KMT2B: variants seen among roughly 807,000 people sequenced by gnomAD.
KMT2B encodes lysine methyltransferase 2B.
Under a neutral mutation model 255.3 loss-of-function variants are expected in KMT2B, and 22 were observed. That is an observed-to-expected ratio of 0.09 (90% CI 0.06 to 0.12). The LOEUF is 0.12. Among genes scored for constraint, KMT2B ranks in the 10% least tolerant of loss-of-function variants. KMT2B has a pLI of 1.00. For synonymous variants in KMT2B, 1,730 were observed against 1,498.1 expected (o/e 1.15, Z -3.57); for missense variants, 3,149 against 3,737.0 (o/e 0.84, Z 4.10).
Position 35,720,856 on chromosome 19 carries a change from G to A in KMT2B, c.1509G>A (p.Thr503=), listed in dbSNP as rs773760714. The change falls in exon 3 of 37, where the codon ACG becomes ACA. Residue 503 remains threonine, a synonymous_variant. Transcript: ENST00000420124. ...CCACTCCAACCCCCAGCACCGCCAC[G>A]GGAGGCCCTCCGGAAGACAGTCCCA... The part of the protein sequence containing the change: ...SPPTPTPSTA[T]GGPPEDSPTV... 14 of 1,578,726 alleles carry A rather than the reference G, an allele frequency of 8.9e-6. No individual in the cohort carries two copies. The South Asian group carries it at 1.3e-4, about 14-fold the overall frequency.
intron 26 of KMT2B, among the ~76,000 whole-genome samples, chr19:35,731,300 GA>G (rs1969681680): frequency 6.6e-6 from 1 of 152,256 alleles, no homozygotes; most frequent in African/African-American, 2.4e-5. Flanking sequence ...CTGGCTGTGG[GA>G]TGTGGCTGAG....
chr19:35,727,102 C>A lies in KMT2B; in HGVS notation c.4004-54C>A. On this transcript the variant is annotated intron_variant, in intron 14 of 36. Transcript: ENST00000420124. The surrounding 1 kb of genome is among the most constrained non-coding windows in gnomAD (Gnocchi z 4.2). ...CTGCTAATCCTTGAACAGAGACACT[C>A]AGGGCTGAGTGGGAACTCCAGCACC... 1 of 1,299,058 alleles carries A rather than the reference C, an allele frequency of 7.7e-7. No individual in the cohort carries two copies. The highest frequency in any genetic ancestry group is 1.3e-5 in the South Asian group (1 of 77,796). The allele number at this position is 1,299,058 out of a possible 1,614,324, so 80.5% of individuals were successfully genotyped here.
chr19:35,719,394 C>A, intron 1 of KMT2B, 75 bp from the exon 2 acceptor site: 1 of 1,091,516 alleles, frequency 9.2e-7, no homozygotes, highest in Non-Finnish European at 1.3e-6. Context: ...GGGGATATTC[C>A]TCGATACCTC....
Position 35,732,848 on chromosome 19 carries a change from G to A in KMT2B, c.6299G>A (p.Gly2100Glu). Residue 2100 changes from glycine to glutamate, a missense_variant, in exon 28 of 37, where the codon GGG becomes GAG. Gly to Glu is a moderately conservative substitution (Grantham distance 98). Coordinates refer to ENST00000420124, the MANE Select transcript of KMT2B (RefSeq NM_014727.3). ...VVRAGVLGAA[G>E]DRARPPEDLP... ...CGGGCAGGGGTCCTTGGGGCTGCAG[G>A]GGACAGGGCCCGGCCTCCTGAGGAC... 6.2e-7 allele frequency: 1 copy of A among 1,609,252 alleles called. No homozygotes were observed. The highest frequency in any genetic ancestry group is 1.1e-5 in the South Asian group (1 of 90,502).
intron 19 of KMT2B, 67 bp from the exon 20 acceptor site, chr19:35,728,707 T>A: frequency 8.1e-7 from 1 of 1,236,946 alleles, no homozygotes. Context: ...TCAGGCTGGT[T>A]TGTGGATGGG....
chr19:35,733,717 T>A lies in KMT2B; in HGVS notation c.7049+31T>A. ...TGGCCAGGCCCCTCTCCCTGGAGGG[T>A]CTGGGACCTCTGTCCTTCCCCTTCC... On this transcript the variant is annotated intron_variant, in intron 29 of 36. Transcript: ENST00000420124. The surrounding 1 kb of genome is among the most constrained non-coding windows in gnomAD (Gnocchi z 4.3). 6.2e-7 allele frequency: 1 copy of A among 1,605,820 alleles called. No individual in the cohort carries two copies. Among genetic ancestry groups the A allele is most frequent in the Non-Finnish European group, 8.5e-7 (1 of 1,175,250 alleles).
At position 35,718,087 on chromosome 19, in the gene KMT2B, G is replaced by A. The variant is rs1250158305; in HGVS notation, c.69G>A (p.Arg23=). ...PGSARGRFPG[R]PRGAGGGGGR... is the part of the protein sequence containing the mutation. Reference sequence around the variant, plus strand: ...CCGCGCGGGGCCGCTTCCCGGGCCGGCCGCGGGGCGCCGGCGGGGGCGGGG... The same window carrying A: ...CCGCGCGGGGCCGCTTCCCGGGCCGACCGCGGGGCGCCGGCGGGGGCGGGG... The change falls in exon 1 of 37, where the codon CGG becomes CGA. Residue 23 remains arginine (R), a synonymous_variant. Coordinates refer to ENST00000420124, the MANE Select transcript of KMT2B (RefSeq NM_014727.3). This position sits in a 1 kb window ranked among gnomAD's most constrained non-coding sequence, Gnocchi z 5.0. 7.1e-6 allele frequency: 7 copies of A among 987,678 alleles called. No individual in the cohort carries two copies. Among genetic ancestry groups the A allele is most frequent in the Non-Finnish European group, 7.2e-6 (6 of 832,840 alleles). 61.2% of individuals were successfully genotyped at this position (987,678 alleles called of 1,614,324 possible).
Position 35,723,782 on chromosome 19 carries a change from G to A in KMT2B, c.3109G>A (p.Glu1037Lys). Residue 1037 changes from glutamate (E) to lysine (K), a missense_variant, in exon 8 of 37, where the codon GAG becomes AAG. Around this residue, in one of 18 missense-constraint regions of KMT2B, gnomAD observed 50 missense variants for 71.9 expected, o/e 0.70. Transcript: ENST00000420124. The surrounding 1 kb of genome is among the most constrained non-coding windows in gnomAD (Gnocchi z 7.5). The part of the protein sequence containing the change: ...LLPWDSDESP[E>K]ASPGPPGPRR... ...GCCCTGGGATTCCGATGAATCTCCT[G>A]AGGCCTCCCCTGGTCCTCCAGGCCC... 6.4e-7 allele frequency: 1 copy of A among 1,570,788 alleles called. No individual in the cohort carries two copies. The highest frequency in any genetic ancestry group is 8.6e-7 in the Non-Finnish European group (1 of 1,157,966).
At position 35,722,857 on chromosome 19, in the gene KMT2B, C is replaced by G. The variant is rs534866485; in HGVS notation, c.2723-138C>G. On this transcript the variant is annotated intron_variant, in intron 5 of 36. Coordinates refer to ENST00000420124, the MANE Select transcript of KMT2B (RefSeq NM_014727.3). ...GGCAAGTGGGCTGGAGTGCTAGGTC[C>G]TAGAGCAACTTCATTTGGGGGCACC... 6 of 1,415,500 alleles carry G rather than the reference C, an allele frequency of 4.2e-6. No homozygotes were observed. In the African/African-American group the frequency reaches 4.3e-5, roughly 10 times the overall value. 87.7% of individuals were successfully genotyped at this position (1,415,500 alleles called of 1,614,324 possible). A position where few individuals can be genotyped will look rare whatever the true frequency, so the allele number is the denominator to read the frequency against.
At position 35,718,602 on chromosome 19, in the gene KMT2B, C is replaced by G. The variant is rs1455252923; in HGVS notation, c.363+221C>G. Among the ~76,000 whole-genome samples the G allele has an allele frequency of 6.6e-6, 1 of 152,336 alleles. No homozygotes were observed. The highest frequency in any genetic ancestry group is 2.4e-5 in the African/African-American group (1 of 41,568). ...GCAGCCAGGCACTCGCGCCCGATGTCGGTCCCGCTGAAGTGTCTTGGGCCG... is the reference window on the plus strand; with the variant it reads ...GCAGCCAGGCACTCGCGCCCGATGTGGGTCCCGCTGAAGTGTCTTGGGCCG... On this transcript the variant is annotated intron_variant, in intron 1 of 36. Coordinates refer to ENST00000420124, the MANE Select transcript of KMT2B (RefSeq NM_014727.3). This position sits in a 1 kb window ranked among gnomAD's most constrained non-coding sequence, Gnocchi z 5.0.
Position 35,719,937 on chromosome 19 carries a change from T to C in KMT2B, c.590T>C (p.Leu197Pro). 4 of 1,613,212 alleles carry C rather than the reference T, an allele frequency of 2.5e-6. No homozygotes were observed. Residue 197 changes from leucine to proline, a missense_variant, in exon 3 of 37, where the codon CTC (leucine) becomes CCC (proline). By Grantham distance (98) the Leu-to-Pro change is moderately conservative. Transcript: ENST00000420124. ...ATGGTGCAGGCACTGACTGAACTTC[T>C]CCGGCGGGCCCAGGCACCCCAAGCA... is the stretch of plus-strand genomic sequence containing the variant. ...ERMVQALTEL[L>P]RRAQAPQAPR...
Position 35,719,536 on chromosome 19 carries a change from A to C in KMT2B, c.431A>C (p.Gln144Pro). Residue 144 changes from glutamine (Q) to proline (P), a missense_variant, in exon 2 of 37, where the codon CAG becomes CCG. Around this residue, in one of 18 missense-constraint regions of KMT2B, gnomAD observed 1,188 missense variants for 1,106.4 expected, o/e 1.07. Transcript: ENST00000420124. ...TCCCTGCGCTCTGCGCTCCGATCCC[A>C]GCGAGGTGAGTGACGGGGGAACTCC... ...PSSLRSALRS[Q>P]RGRAPRGRGR... The C allele has an allele frequency of 6.3e-7, 1 of 1,588,112 alleles. No homozygotes were observed. Among genetic ancestry groups the C allele is most frequent in the African/African-American group, 1.3e-5 (1 of 74,302 alleles).
chr19:35,726,253 G>A lies in KMT2B; in HGVS notation c.3903G>A (p.Val1301=), dbSNP rs1240405178. The part of the protein sequence containing the change: ...KRRHWICSAC[V]RCKSCGATPG... ...TCCCCCAGATCTGTTCAGCCTGTGT[G>A]CGCTGTAAGAGCTGTGGGGCAACTC... The change falls in exon 14 of 37, where the codon GTG becomes GTA. Residue 1301 remains valine (V), a synonymous_variant. Transcript: ENST00000420124. 3 of 1,613,574 alleles carry A rather than the reference G, an allele frequency of 1.9e-6. No individual in the cohort carries two copies. The East Asian group carries it at 6.7e-5, about 36-fold the overall frequency.
chr19:35,726,374 C>G, intron 14 of KMT2B, 21 bp downstream of exon 14: 1 of 1,525,564 alleles, frequency 6.6e-7, no homozygotes, highest in South Asian at 1.1e-5. Flanking sequence ...GGCAGGGGAA[C>G]TGGATGCTGG....
In KMT2B at chr19:35,718,405, G is replaced by A. The variant is rs1269429761; in HGVS notation, c.363+24G>A. 7 of 1,250,566 alleles carry A rather than the reference G, an allele frequency of 5.6e-6. No individual in the cohort carries two copies. The South Asian group carries it at 2.3e-4, about 42-fold the overall frequency. 77.5% of individuals were successfully genotyped at this position (1,250,566 alleles called of 1,614,324 possible). ...AGGTGAGGCGGTTGGAGGCGTCCCC[G>A]GCGCCGGGTGGGGCGGAGGCCGGGG... is the stretch of plus-strand genomic sequence containing the variant. On this transcript the variant is annotated intron_variant, in intron 1 of 36. Transcript: ENST00000420124. This position sits in a 1 kb window ranked among gnomAD's most constrained non-coding sequence, Gnocchi z 5.0.
At position 35,723,157 on chromosome 19, in the gene KMT2B, G is replaced by A; in HGVS notation, c.2885G>A (p.Arg962His). 1 of 1,613,514 alleles carries A rather than the reference G, an allele frequency of 6.2e-7. No homozygotes were observed. Among genetic ancestry groups the A allele is most frequent in the South Asian group, 1.1e-5 (1 of 91,084 alleles). Residue 962 changes from arginine to histidine, a missense_variant, in exon 6 of 37, where the codon CGC becomes CAC. Coordinates refer to ENST00000420124, the MANE Select transcript of KMT2B (RefSeq NM_014727.3). This position sits in a 1 kb window ranked among gnomAD's most constrained non-coding sequence, Gnocchi z 7.5. ...CCCTCCCATCACGGCAAGAAGATGC[G>A]CATGGCTCGATGTGGACACTGTCGG... ...SLPSHHGKKM[R>H]MARCGHCRGC... is the part of the protein sequence containing the mutation.
chr19:35,730,273 G>C, intron 23 of KMT2B, 69 bp from the exon 24 acceptor site: 1 of 1,603,462 alleles, frequency 6.2e-7, no homozygotes. Context: ...GCCCCTGACT[G>C]TTCAGACTTC....
intron 26 of KMT2B, 58 bp downstream of exon 26, chr19:35,730,925 A>T (rs372593082): frequency 6.7e-7 from 1 of 1,489,652 alleles, no homozygotes; most frequent in South Asian, 1.3e-5. Context: ...AAACCTACAG[A>T]TCTCTGTTCC....
chr19:35,728,626 G>C (rs1969562124), intron 19 of KMT2B, 148 bp from the exon 20 acceptor site: 2 of 663,140 alleles, frequency 3.0e-6, no homozygotes, highest in Non-Finnish European at 5.5e-6. Context: ...GCTGGCACAA[G>C]AGGGCCTGGC....
Sources: gnomAD v4.1 joint callset for allele counts (sites outside exome capture counted in the v4.1 genomes callset) on GRCh38, gnomAD v4.1.1 for gene constraint, gnomAD v4.1.1 regional missense constraint, Gnocchi (gnomAD v3.1) non-coding constraint, MANE v1.5 for transcripts, NCBI Gene and HGNC (gene_info 2026-07-23, HGNC 2026-07-21) for gene names.